WWP2: variants seen among roughly 807,000 people sequenced by gnomAD.
WWP2 encodes the protein NEDD4-like E3 ubiquitin-protein ligase WWP2.
A neutral mutation model predicts 121.0 loss-of-function variants in WWP2; 57 were observed. That is an observed-to-expected ratio of 0.47 (90% confidence interval 0.38 to 0.59). The LOEUF (loss-of-function observed/expected upper bound fraction) is 0.59. WWP2 is among the 20% of genes least tolerant of loss of function. The pLI is 0.00. For missense variants in WWP2, 962 were observed against 1,158.9 expected (o/e 0.83, Z 2.47); for synonymous variants, 449 against 441.3 (o/e 1.02, Z -0.22).
chr16:69,856,977 A>G (rs1480859119), intron 6 of WWP2, among the ~76,000 whole-genome samples: 1 of 152,116 alleles, frequency 6.6e-6, no homozygotes, highest in Non-Finnish European at 1.5e-5. Flanking sequence ...AAAAAACCAT[A>G]TGATTTTAAA....
chr16:69,925,590 A>C lies in WWP2; in HGVS notation c.1234+106A>C. ...CCCTGTTCCTGTCCCTCTGTTTTCC[A>C]TCTCTCCCCTCTCCAGCACACTCTC... On this transcript the variant is annotated intron_variant, in intron 11 of 23. Coordinates refer to ENST00000359154, the MANE Select transcript of WWP2 (RefSeq NM_001270454.2). The surrounding 1 kb of genome is among the most constrained non-coding windows in gnomAD (Gnocchi z 4.0). The C allele has an allele frequency of 7.1e-7, 1 of 1,401,186 alleles. No homozygotes were observed. The highest frequency in any genetic ancestry group is 9.7e-7 in the Non-Finnish European group (1 of 1,029,450). 86.8% of individuals were successfully genotyped at this position (1,401,186 alleles called of 1,614,324 possible).
rs1348686564 is a variant in WWP2, at chr16:69,899,653, C to T, written c.915-9108C>T. On this transcript the variant is annotated intron_variant, in intron 8 of 23. Transcript: ENST00000359154. The stretch of plus-strand genomic sequence containing the variant: ...GCTGAGGCAGGGAATTGCTTGAACC[C>T]GGGAGGCGGAGGTTGCAGAGCCAAG... 3.9e-5 allele frequency among the ~76,000 whole-genome samples: 5 copies of T among 129,862 alleles called. No individual in the cohort carries two copies. The East Asian group carries it at 7.9e-4, about 21-fold the overall frequency. 85.2% of individuals were successfully genotyped at this position (129,862 alleles called of 152,430 possible). A position where few individuals can be genotyped will look rare whatever the true frequency, so the allele number is the denominator to read the frequency against.
chr16:69,790,270 A>G (rs951571284), intron 2 of WWP2, among the ~76,000 whole-genome samples: 1 of 152,306 alleles, frequency 6.6e-6, no homozygotes, highest in East Asian at 1.9e-4. Context: ...AAAAAAAGAG[A>G]AACAGTTGAT....
intron 7 of WWP2, 42 bp downstream of exon 7, chr16:69,871,973 G>C: frequency 6.3e-7 from 1 of 1,592,736 alleles, no homozygotes; most frequent in Non-Finnish European, 8.6e-7. Flanking sequence ...TGAAGCTGTG[G>C]GCTCTCACCC....
At chr16:69,810,996 C>A (rs751421548) in intron 4 of WWP2, among the ~76,000 whole-genome samples, 1 of 152,142 alleles carries the variant, frequency 6.6e-6, no homozygotes, top group East Asian at 1.9e-4. Flanking sequence ...CTCAAGTGAT[C>A]TGCCCGCCTT....
At chr16:69,900,241 T>C (rs1314106203) in intron 8 of WWP2, among the ~76,000 whole-genome samples, 2 of 152,238 alleles carry the variant, frequency 1.3e-5, no homozygotes, top group Non-Finnish European at 2.9e-5. Context: ...AATTGCCCTT[T>C]GGAAAGAGTG....
intron 7 of WWP2, among the ~76,000 whole-genome samples, chr16:69,882,247 C>T (rs758611519): frequency 3.3e-5 from 5 of 152,204 alleles, no homozygotes; most frequent in African/African-American, 7.2e-5. Context: ...TGAACCACTG[C>T]GCCCAGCCTA....
At position 69,888,146 on chromosome 16, in the gene WWP2, TCTCTCCCTGCCC is replaced by T. The variant is rs1359033932; in HGVS notation, c.813_824del (p.Leu272_Pro275del). ...TGTGACCCCGAATCCCAACACGACTTCTCTCCCTGCCCCAGCCACACCGGCTGAAGGAGAGGA... is the reference window on the plus strand; with the variant it reads ...TGTGACCCCGAATCCCAACACGACTTCAGCCACACCGGCTGAAGGAGAGGA... On this transcript the variant is annotated inframe_deletion, in exon 8 of 24. Coordinates refer to ENST00000359154, the MANE Select transcript of WWP2 (RefSeq NM_001270454.2). The T allele has an allele frequency of 6.2e-7, 1 of 1,614,014 alleles. No individual in the cohort carries two copies. The highest frequency in any genetic ancestry group is 1.3e-5 in the African/African-American group (1 of 74,892).
intron 1 of WWP2, among the ~76,000 whole-genome samples, chr16:69,774,205 A>G (rs1404473874): frequency 6.6e-6 from 1 of 151,728 alleles, no homozygotes; most frequent in African/African-American, 2.4e-5. Flanking sequence ...TTACATTTCC[A>G]CCCAACATTG....
At chr16:69,841,986 A>G in intron 5 of WWP2, 38 bp from the exon 6 acceptor site, 1 of 1,590,126 alleles carries the variant, frequency 6.3e-7, no homozygotes, top group Non-Finnish European at 8.6e-7. Flanking sequence ...TGAGCTCCTC[A>G]ATGCTTCTGT....
rs771291958 is a variant in WWP2, at chr16:69,936,432, G to T, written c.2097G>T (p.Glu699Asp). The T allele has an allele frequency of 5.6e-6, 9 of 1,613,982 alleles. No homozygotes were observed. The highest frequency in any genetic ancestry group is 6.8e-6 in the Non-Finnish European group (8 of 1,180,054). ...EGGESIRVTEENKEEYIMLLT... is the reference protein window; with the variant it reads ...EGGESIRVTEDNKEEYIMLLT... ...GCGAGAGCATCCGGGTCACAGAGGA[G>T]AACAAGGAAGAGTACATCATGTGAG... Residue 699 changes from glutamate (E) to aspartate (D), a missense_variant, in exon 19 of 24, where the codon GAG becomes GAT. Transcript: ENST00000359154.
At chr16:69,764,192 A>G (rs568378754) in intron 1 of WWP2, among the ~76,000 whole-genome samples, 3 of 152,318 alleles carry the variant, frequency 2.0e-5, no homozygotes, top group African/African-American at 7.2e-5. Context: ...TTGACACAAT[A>G]GAAAATTTTA....
intron 4 of WWP2, among the ~76,000 whole-genome samples, chr16:69,816,890 A>T (rs1009544696): frequency 6.6e-5 from 10 of 152,212 alleles, no homozygotes; most frequent in Non-Finnish European, 2.9e-5. Flanking sequence ...TTTGATGAAG[A>T]AATTGAGGTG....
intron 7 of WWP2, among the ~76,000 whole-genome samples, chr16:69,878,051 ACCCG>A (rs749415882): frequency 6.6e-6 from 1 of 151,226 alleles, no homozygotes; most frequent in Non-Finnish European, 1.5e-5. Flanking sequence ...CAGGTGATCC[ACCCG>A]CCTCAGCCTC....
At chr16:69,818,038 A>C (rs1411031219) in intron 4 of WWP2, among the ~76,000 whole-genome samples, 3 of 152,012 alleles carry the variant, frequency 2.0e-5, no homozygotes, top group South Asian at 4.1e-4. Flanking sequence ...GTCTGGACCA[A>C]TTTACACACT....
intron 4 of WWP2, among the ~76,000 whole-genome samples, chr16:69,820,949 C>T (rs560659814): frequency 6.6e-6 from 1 of 152,332 alleles, no homozygotes; most frequent in East Asian, 1.9e-4. Context: ...CGGCTCACCT[C>T]GGAGGCTGAC....
At chr16:69,831,351 T>A (rs1189894036) in intron 4 of WWP2, among the ~76,000 whole-genome samples, 3 of 152,196 alleles carry the variant, frequency 2.0e-5, no homozygotes, top group Non-Finnish European at 2.9e-5. Flanking sequence ...AACTAGAAAG[T>A]TCTTTCGTAC....
intron 1 of WWP2, among the ~76,000 whole-genome samples, chr16:69,773,757 C>T (rs1017110889): frequency 1.3e-5 from 2 of 152,196 alleles, no homozygotes; most frequent in African/African-American, 4.8e-5. Context: ...GCTTGGATTA[C>T]AGGCATGAGC....
rs13338911 is a variant in WWP2, at chr16:69,905,137, G to A, written c.915-3624G>A. Among the ~76,000 whole-genome samples, 316 of 152,324 alleles carry A rather than the reference G, an allele frequency of 2.1e-3. 3 individuals are homozygous for A. The highest frequency in any genetic ancestry group is 6.8e-3 in the African/African-American group (283 of 41,568). Reference sequence around the variant, plus strand: ...CGTGTTCAGCCTCTAAAGACTTGCCGCTCACACTGCTTGGCAGCGCTCTCT... The same window carrying A: ...CGTGTTCAGCCTCTAAAGACTTGCCACTCACACTGCTTGGCAGCGCTCTCT... On this transcript the variant is annotated intron_variant, in intron 8 of 23. Transcript: ENST00000359154.
Sources: allele counts gnomAD v4.1 joint callset (sites outside exome capture counted in the v4.1 genomes callset), GRCh38; gene constraint gnomAD v4.1.1; non-coding constraint Gnocchi (gnomAD v3.1); transcripts MANE v1.5; gene names NCBI Gene and HGNC (gene_info 2026-07-23, HGNC 2026-07-21).